The following CNTN4 variants were observed in gnomAD, a reference collection of about 807,000 sequenced individuals.
CNTN4 encodes the protein contactin-4.
In CNTN4, 77 loss-of-function variants were observed where a neutral mutation model predicts 122.5. The ratio of observed to expected loss-of-function variants is 0.63; its 90% CI spans 0.52 to 0.76. CNTN4 has a LOEUF of 0.76. Ranked by LOEUF, CNTN4 falls within the 30% of genes least tolerant of loss-of-function variation. The pLI, the probability that CNTN4 is intolerant of heterozygous loss-of-function variation, is 0.00. For missense variants in CNTN4, 1,256 were observed against 1,259.1 expected, an observed-to-expected ratio of 1.00 and a Z score of 0.04; for synonymous variants, 512 against 447.0, an observed-to-expected ratio of 1.15 and a Z score of -1.83.
At chr3:2,292,596 G>C (rs967983228) in intron 2 of CNTN4, among the ~76,000 whole-genome samples, 3 of 151,484 alleles carry the variant, frequency 2.0e-5, no homozygotes, top group Admixed American at 1.3e-4. Context: ...TGTACCCCAG[G>C]TTACCACTTT....
In CNTN4 at chr3:2,558,248, AT is replaced by A. The variant is rs370699232; in HGVS notation, c.-88-13167del. On this transcript the variant is annotated intron_variant, in intron 3 of 24. Coordinates refer to ENST00000418658, the MANE Select transcript of CNTN4 (RefSeq NM_175607.3). The stretch of plus-strand genomic sequence containing the variant: ...ACCAAACCAGAAAACTGACATTGGT[AT>A]AACACTGTTAACTAAACAACAGACC... Among the ~76,000 whole-genome samples, 454 of 152,324 alleles carry A rather than the reference AT, an allele frequency of 3.0e-3. 2 individuals carry two copies. Among genetic ancestry groups the A allele is most frequent in the African/African-American group, 0.01 (430 of 41,582 alleles).
At chr3:2,951,617 C>T (rs1255651420) in intron 13 of CNTN4, among the ~76,000 whole-genome samples, 1 of 152,190 alleles carries the variant, frequency 6.6e-6, no homozygotes, top group Non-Finnish European at 1.5e-5. Context: ...TTACTGTCTT[C>T]TCCATGACTC....
intron 6 of CNTN4, among the ~76,000 whole-genome samples, chr3:2,763,687 A>G (rs1042311035): frequency 7.2e-5 from 11 of 152,186 alleles, no homozygotes; most frequent in African/African-American, 2.7e-4. Context: ...TCCACTTTCA[A>G]TATTCTGCAT....
intron 4 of CNTN4, among the ~76,000 whole-genome samples, chr3:2,698,006 C>G (rs1287717065): frequency 6.6e-6 from 1 of 152,152 alleles, no homozygotes. Flanking sequence ...TTCATCCGGA[C>G]TGATGTTTGA....
chr3:2,319,958 C>A lies in CNTN4; in HGVS notation c.-144-19220C>A, dbSNP rs530622974. 1.2e-4 allele frequency among the ~76,000 whole-genome samples: 18 copies of A among 152,136 alleles called. No individual in the cohort carries two copies. In the South Asian group the frequency reaches 3.7e-3, roughly 32 times the overall value. On this transcript the variant is annotated intron_variant, in intron 2 of 24. Coordinates refer to ENST00000418658, the MANE Select transcript of CNTN4 (RefSeq NM_175607.3). ...GCTCTTAAAGAACATTTTCTTTGCCCATCATAATAAATGCTTATATTAGGC... is the reference window on the plus strand; with the variant it reads ...GCTCTTAAAGAACATTTTCTTTGCCAATCATAATAAATGCTTATATTAGGC...
chr3:2,898,031 G>C (rs1174765682), intron 10 of CNTN4, among the ~76,000 whole-genome samples: 1 of 152,118 alleles, frequency 6.6e-6, no homozygotes, highest in Non-Finnish European at 1.5e-5. Flanking sequence ...CAAATATGGA[G>C]ATACATGAGT....
At chr3:2,138,082 T>C (rs533626785) in intron 2 of CNTN4, among the ~76,000 whole-genome samples, 66 of 151,736 alleles carry the variant, frequency 4.3e-4, no homozygotes, top group African/African-American at 1.6e-3. Flanking sequence ...TTTTTTTTTT[T>C]TCGAGACGGA....
chr3:2,731,254 C>G (rs116533117), intron 4 of CNTN4, among the ~76,000 whole-genome samples: 2,290 of 152,194 alleles, frequency 0.015, 67 homozygotes, highest in African/African-American at 0.052. Context: ...AGATTTCCCA[C>G]TCCTTGTTGA....
chr3:2,438,894 G>A (rs2048341753), intron 3 of CNTN4, among the ~76,000 whole-genome samples: 1 of 152,158 alleles, frequency 6.6e-6, no homozygotes, highest in South Asian at 2.1e-4. Context: ...GATTCACAGA[G>A]ACGATAAAGA....
At chr3:2,193,924 A>C (rs1203376568) in intron 2 of CNTN4, among the ~76,000 whole-genome samples, 1 of 152,232 alleles carries the variant, frequency 6.6e-6, no homozygotes. Flanking sequence ...TATATCATTT[A>C]GGTTTGTGTA....
At chr3:2,222,302 A>G (rs1382393643) in intron 2 of CNTN4, among the ~76,000 whole-genome samples, 1 of 152,214 alleles carries the variant, frequency 6.6e-6, no homozygotes, top group Non-Finnish European at 1.5e-5. Context: ...AAGGGATCAC[A>G]TATTATATGA....
At chr3:2,111,624 T>C (rs1190084238) in intron 2 of CNTN4, among the ~76,000 whole-genome samples, 1 of 152,170 alleles carries the variant, frequency 6.6e-6, no homozygotes, top group Non-Finnish European at 1.5e-5. Flanking sequence ...CTGTCTCTAC[T>C]ACTTATGTAT....
chr3:2,772,556 C>A (rs965444247), intron 6 of CNTN4, among the ~76,000 whole-genome samples: 1 of 152,026 alleles, frequency 6.6e-6, no homozygotes, highest in Admixed American at 6.6e-5. Context: ...TTAAGACATA[C>A]CAAGTTGTGT....
chr3:2,107,627 CCATAT>C (rs1169660608), intron 2 of CNTN4, among the ~76,000 whole-genome samples: 1 of 152,072 alleles, frequency 6.6e-6, no homozygotes, highest in Admixed American at 6.5e-5. Context: ...CAGAACCAAA[CCATAT>C]CAGCTGGTGA....
At chr3:2,693,245 T>C (rs548568608) in intron 4 of CNTN4, among the ~76,000 whole-genome samples, 1 of 152,312 alleles carries the variant, frequency 6.6e-6, no homozygotes, top group African/African-American at 2.4e-5. Context: ...TGTCCATTTC[T>C]TGAGATTTGA....
chr3:2,459,564 C>T (rs969239730), intron 3 of CNTN4, among the ~76,000 whole-genome samples: 3 of 152,070 alleles, frequency 2.0e-5, no homozygotes, highest in Non-Finnish European at 2.9e-5. Context: ...GAGCAACTCT[C>T]GTGATATGGC....
At chr3:2,939,473 AAAC>A (rs1448311798) in intron 13 of CNTN4, among the ~76,000 whole-genome samples, 1 of 152,184 alleles carries the variant, frequency 6.6e-6, no homozygotes, top group African/African-American at 2.4e-5. Flanking sequence ...TTCCCACATG[AAAC>A]AACATGATTA....
intron 7 of CNTN4, among the ~76,000 whole-genome samples, chr3:2,861,326 C>G (rs1297939190): frequency 6.6e-6 from 1 of 152,162 alleles, no homozygotes; most frequent in Non-Finnish European, 1.5e-5. Context: ...TAACTGCTCT[C>G]CAGCACACCT....
At chr3:2,704,070 G>C (rs2086509628) in intron 4 of CNTN4, among the ~76,000 whole-genome samples, 1 of 151,582 alleles carries the variant, frequency 6.6e-6, no homozygotes, top group South Asian at 2.1e-4. Flanking sequence ...AGGCAGGCGG[G>C]CGGATCATTT....
Sources: gnomAD v4.1 joint callset for allele counts (sites outside exome capture counted in the v4.1 genomes callset) on GRCh38, gnomAD v4.1.1 for gene constraint, MANE v1.5 for transcripts, NCBI Gene and HGNC (gene_info 2026-07-23, HGNC 2026-07-21) for gene names.